Variants in TRPM8 observed in about 807,000 individuals in gnomAD.
TRPM8 encodes the protein TRPM8 cationic channel.
TRPM8 carries 110 observed loss-of-function variants against 133.7 expected under a neutral mutation model. The observed-to-expected ratio is 0.82, with a 90% CI of 0.70 to 0.96. The LOEUF is 0.96. Ranked by LOEUF, TRPM8 falls within the 40% of genes least tolerant of loss-of-function variation. The pLI, the probability that TRPM8 is intolerant of heterozygous loss-of-function variation, is 0.00. For missense variants in TRPM8, 1,291 were observed against 1,379.5 expected (o/e 0.94, Z 1.02); for synonymous variants, 535 against 532.3 (o/e 1.01, Z -0.07).
chr2:233,927,908 T>TTCTCTCTC (rs1253864335), intron 2 of TRPM8, among the ~76,000 whole-genome samples: 1 of 38,874 alleles, frequency 2.6e-5, no homozygotes, highest in Non-Finnish European at 4.0e-5. Flanking sequence ...CTTTCTTTCT[T>TTCTCTCTC]TCTCTCTCTC....
chr2:233,990,804 C>T (rs553468219), intron 21 of TRPM8, among the ~76,000 whole-genome samples: 105 of 152,320 alleles, frequency 6.9e-4, no homozygotes, highest in Non-Finnish European at 1.2e-3. Flanking sequence ...ACCACCTCAT[C>T]TAACCTGCCT....
intron 22 of TRPM8, among the ~76,000 whole-genome samples, chr2:234,002,499 C>T (rs1031850717): frequency 2.0e-5 from 3 of 152,092 alleles, no homozygotes; most frequent in Non-Finnish European, 4.4e-5. Context: ...GACTTGTTTC[C>T]CTCAAGGCAG....
intron 3 of TRPM8, among the ~76,000 whole-genome samples, chr2:233,931,800 T>C (rs1691684470): frequency 6.6e-6 from 1 of 152,238 alleles, no homozygotes; most frequent in South Asian, 2.1e-4. Context: ...TCTGACAAAG[T>C]GTAAGCTTTG....
At chr2:233,963,142 A>C (rs187133482) in intron 12 of TRPM8, 140 bp from the exon 13 acceptor site, 1 of 463,330 alleles carries the variant, frequency 2.2e-6, no homozygotes, top group East Asian at 3.3e-5. Context: ...TGCAGAGATG[A>C]AAATCCCATC....
chr2:233,941,536 G>A (rs566375521), intron 5 of TRPM8, among the ~76,000 whole-genome samples: 2 of 152,244 alleles, frequency 1.3e-5, no homozygotes, highest in East Asian at 3.9e-4. Flanking sequence ...CAGCAAAGGG[G>A]CTTTCTAACG....
chr2:233,947,076 T>C lies in TRPM8; in HGVS notation c.875-12T>C. 6.2e-7 allele frequency: 1 copy of C among 1,613,226 alleles called. No homozygotes were observed. Among genetic ancestry groups the C allele is most frequent in the Non-Finnish European group, 8.5e-7 (1 of 1,179,292 alleles). On this transcript the variant is annotated splice_polypyrimidine_tract_variant and intron_variant, in intron 7 of 25. Coordinates refer to ENST00000324695, the MANE Select transcript of TRPM8 (RefSeq NM_024080.5). Reference sequence around the variant, plus strand: ...TGAGCTCAAAATATGCTTTACTTTTTATATTTTACAGATTCCAACTATGGT... The same window carrying C: ...TGAGCTCAAAATATGCTTTACTTTTCATATTTTACAGATTCCAACTATGGT...
chr2:233,983,823 G>A (rs17868396), intron 20 of TRPM8, among the ~76,000 whole-genome samples: 3 of 152,054 alleles, frequency 2.0e-5, no homozygotes, highest in Admixed American at 2.0e-4. Context: ...ACCCTACCAC[G>A]ATAAAACCAT....
intron 22 of TRPM8, among the ~76,000 whole-genome samples, chr2:233,999,056 G>A (rs1447795179): frequency 6.6e-6 from 1 of 151,034 alleles, no homozygotes; most frequent in Non-Finnish European, 1.5e-5. Context: ...TCTCTAAGTG[G>A]ATCAGTTATA....
intron 8 of TRPM8, among the ~76,000 whole-genome samples, chr2:233,948,075 T>C (rs1691088106): frequency 1.3e-5 from 2 of 152,228 alleles, no homozygotes; most frequent in Non-Finnish European, 2.9e-5. Context: ...ATTTGCATAT[T>C]CCTCCTTTTA....
chr2:233,927,770 CTTTCTTTCTTTCTTTCTTTCTTTTCT>C lies in TRPM8; in HGVS notation c.117+1119_117+1144del, dbSNP rs1274582524. Among the ~76,000 whole-genome samples the C allele has an allele frequency of 9.4e-3, 613 of 65,230 alleles. 14 individuals carry two copies. Among genetic ancestry groups the C allele is most frequent in the African/African-American group, 0.051 (281 of 5,472 alleles). 42.8% of individuals were successfully genotyped at this position (65,230 alleles called of 152,430 possible). ...TCTTTCTTTCTTTCTTTCTTTCTTT[CTTTCTTTCTTTCTTTCTTTCTTTTCT>C]TTCCTTCCTTCCTTCCTTCCTTCCT... is the stretch of plus-strand genomic sequence containing the variant. On this transcript the variant is annotated intron_variant, in intron 2 of 25. Coordinates refer to ENST00000324695, the MANE Select transcript of TRPM8 (RefSeq NM_024080.5).
intron 22 of TRPM8, among the ~76,000 whole-genome samples, chr2:234,000,391 G>A (rs1412090510): frequency 1.3e-5 from 2 of 152,174 alleles, no homozygotes; most frequent in Non-Finnish European, 2.9e-5. Flanking sequence ...TTACAGGCAT[G>A]AGCCACTGCG....
chr2:233,970,590 T>A, intron 17 of TRPM8, 164 bp downstream of exon 17: 1 of 647,654 alleles, frequency 1.5e-6, no homozygotes, highest in Non-Finnish European at 2.7e-6. Context: ...TGCATTTTCA[T>A]ACCCTTAGTA....
At position 233,955,255 on chromosome 2, in the gene TRPM8, G is replaced by T. The variant is rs199673691; in HGVS notation, c.1362+5G>T. On this transcript the variant is annotated splice_donor_5th_base_variant and intron_variant, in intron 11 of 25. Transcript: ENST00000324695. Reference sequence around the variant, plus strand: ...ACCAATGACCGCCGATGGGAGGTAAGCACGAAGCTCTCCTGGGTTATTCCA... The same window carrying T: ...ACCAATGACCGCCGATGGGAGGTAATCACGAAGCTCTCCTGGGTTATTCCA... 6.2e-7 allele frequency: 1 copy of T among 1,609,074 alleles called. No homozygotes were observed. Among genetic ancestry groups the T allele is most frequent in the Non-Finnish European group, 8.5e-7 (1 of 1,175,490 alleles).
intron 25 of TRPM8, among the ~76,000 whole-genome samples, chr2:234,015,517 C>A (rs2125420052): frequency 6.6e-6 from 1 of 152,264 alleles, no homozygotes; most frequent in Non-Finnish European, 1.5e-5. Context: ...ATACACTGAC[C>A]ACTGTCTATG....
chr2:233,938,081 GACC>G (rs1470213113), intron 4 of TRPM8, among the ~76,000 whole-genome samples: 6 of 152,136 alleles, frequency 3.9e-5, no homozygotes, highest in African/African-American at 1.2e-4. Context: ...CCTGGGAGGT[GACC>G]CAGCCCCATC....
chr2:233,951,085 A>G (rs149939535), intron 9 of TRPM8, among the ~76,000 whole-genome samples: 2 of 152,282 alleles, frequency 1.3e-5, no homozygotes, highest in East Asian at 3.9e-4. Flanking sequence ...TTACCCAGGC[A>G]TGCTGACATA....
chr2:233,997,768 A>T (rs1338289111), intron 22 of TRPM8, among the ~76,000 whole-genome samples: 1 of 152,016 alleles, frequency 6.6e-6, no homozygotes, highest in Non-Finnish European at 1.5e-5. Context: ...CACACATCAG[A>T]CTGTGGATCA....
At chr2:233,928,703 G>T (rs1361746227) in intron 2 of TRPM8, among the ~76,000 whole-genome samples, 1 of 152,182 alleles carries the variant, frequency 6.6e-6, no homozygotes, top group Non-Finnish European at 1.5e-5. Flanking sequence ...ACAAAGAAAA[G>T]AATGTATACA....
rs1691661812 is a variant in TRPM8, at chr2:233,969,753, T to C, written c.2084T>C (p.Ile695Thr). Residue 695 changes from isoleucine (I) to threonine (T), a missense_variant, in exon 16 of 26, where the codon ATT becomes ACT. This residue lies in a region of TRPM8 where 963 missense variants were observed against 968.9 expected (regional missense o/e 0.99). Transcript: ENST00000324695. The stretch of plus-strand genomic sequence containing the variant: ...TCCCGAGACACCAAGAACTGGAAGA[T>C]TATCCTGTGTCTGTTTATTATACCC... ...EISRDTKNWKIILCLFIIPLV... is the reference protein window; with the variant it reads ...EISRDTKNWKTILCLFIIPLV... 6.2e-7 allele frequency: 1 copy of C among 1,614,052 alleles called. No individual in the cohort carries two copies. Among genetic ancestry groups the C allele is most frequent in the Non-Finnish European group, 8.5e-7 (1 of 1,179,894 alleles).
Sources: allele counts gnomAD v4.1 joint callset (sites outside exome capture counted in the v4.1 genomes callset), GRCh38; gene constraint gnomAD v4.1.1; regional missense constraint gnomAD v4.1.1; transcripts MANE v1.5; gene names NCBI Gene and HGNC (gene_info 2026-07-23, HGNC 2026-07-21).